OPRL1: variants seen among roughly 807,000 people sequenced by gnomAD.
The protein encoded by OPRL1 is nociceptin receptor.
In OPRL1, 5 loss-of-function variants were observed where a neutral mutation model predicts 15.5. The ratio of observed to expected loss-of-function variants is 0.32; its 90% CI spans 0.17 to 0.68. The LOEUF (loss-of-function observed/expected upper bound fraction) is 0.68. Ranked by LOEUF, OPRL1 falls within the 30% of genes least tolerant of loss-of-function variation. The pLI, the probability that OPRL1 is intolerant of heterozygous loss-of-function variation, is 0.72. For missense variants in OPRL1, 406 were observed against 515.3 expected (o/e 0.79, Z 2.05); for synonymous variants, 223 against 230.2 (o/e 0.97, Z 0.28).
At chr20:64,081,432 A>G (rs976305411) in intron 1 of OPRL1, among the ~76,000 whole-genome samples, 12 of 152,162 alleles carry the variant, frequency 7.9e-5, no homozygotes, top group African/African-American at 2.7e-4. Flanking sequence ...GCTGTGGGAA[A>G]ATGCAGCTGT....
rs1979628369 is a variant in OPRL1 at position 64,099,864 on chromosome 20, G to T, written c.*1065G>T. 1 of 152,322 alleles carries T rather than the reference G, an allele frequency of 6.6e-6. No individual in the cohort carries two copies. The highest frequency in any genetic ancestry group is 1.5e-5 in the Non-Finnish European group (1 of 68,126). 9.4% of individuals were successfully genotyped at this position (152,322 alleles called of 1,614,324 possible). On this transcript the variant is annotated 3_prime_UTR_variant, in exon 5 of 5. Coordinates refer to ENST00000336866, the MANE Select transcript of OPRL1 (RefSeq NM_182647.4). ...GCCTCTCCTTTGCTTGAAGCCAGAGGTCAGTGGCCGTGCTGTGTTGCGGGG... is the reference window on the plus strand; with the variant it reads ...GCCTCTCCTTTGCTTGAAGCCAGAGTTCAGTGGCCGTGCTGTGTTGCGGGG...
chr20:64,097,392 G>C lies in OPRL1; in HGVS notation c.234-410G>C, dbSNP rs1979305690. ...TCTGGCAACTGTAGGGTCAGCATTT[G>C]AGTCTGTGAGGGGTCATGGAGGGGA... On this transcript the variant is annotated intron_variant, in intron 3 of 4. Transcript: ENST00000336866. This position sits in a 1 kb window ranked among gnomAD's most constrained non-coding sequence, Gnocchi z 4.2. 6.6e-6 allele frequency among the ~76,000 whole-genome samples: 1 copy of C among 152,128 alleles called. No homozygotes were observed. The highest frequency in any genetic ancestry group is 2.4e-5 in the African/African-American group (1 of 41,422).
chr20:64,092,639 T>G (rs568172023), intron 2 of OPRL1, 49 bp from the exon 3 acceptor site: 1 of 1,455,512 alleles, frequency 6.9e-7, no homozygotes, highest in East Asian at 2.3e-5. Flanking sequence ...AGGCCTCCGC[T>G]GGGCGTGTGT....
intron 1 of OPRL1, among the ~76,000 whole-genome samples, chr20:64,088,654 G>A (rs371848385): frequency 2.7e-3 from 190 of 69,476 alleles, no homozygotes; most frequent in African/African-American, 5.7e-3. Context: ...ATCTGTGCAG[G>A]GAGGCCAGGA....
rs1400927715 is a variant in OPRL1 at position 64,089,886 on chromosome 20, C to G, written c.-184-2080C>G. ...GCTCGGGTAGGAGGGTCTAGGGTCT[C>G]CTGCTCAGACGTTGGTGAGCCCAGC... On this transcript the variant is annotated intron_variant, in intron 1 of 4. Transcript: ENST00000336866. The surrounding 1 kb of genome is among the most constrained non-coding windows in gnomAD (Gnocchi z 5.5). Among the ~76,000 whole-genome samples, 1 of 152,170 alleles carries G rather than the reference C, an allele frequency of 6.6e-6. No individual in the cohort carries two copies. Among genetic ancestry groups the G allele is most frequent in the East Asian group, 1.9e-4 (1 of 5,182 alleles).
rs539093355 is a variant in OPRL1 at position 64,090,082 on chromosome 20, C to T, written c.-184-1884C>T. Among the ~76,000 whole-genome samples the T allele has an allele frequency of 6.6e-6, 1 of 152,278 alleles. No homozygotes were observed. The highest frequency in any genetic ancestry group is 1.5e-5 in the Non-Finnish European group (1 of 68,030). ...GTGTCTGCCTGTTCCCAAAGGTGTCCATGCACACTCTAGGTCTACCCATGT... is the reference window on the plus strand; with the variant it reads ...GTGTCTGCCTGTTCCCAAAGGTGTCTATGCACACTCTAGGTCTACCCATGT... On this transcript the variant is annotated intron_variant, in intron 1 of 4. Coordinates refer to ENST00000336866, the MANE Select transcript of OPRL1 (RefSeq NM_182647.4). The surrounding 1 kb of genome is among the most constrained non-coding windows in gnomAD (Gnocchi z 4.9).
chr20:64,095,933 T>C (rs112825684), intron 3 of OPRL1, among the ~76,000 whole-genome samples: 4,875 of 152,102 alleles, frequency 0.032, 217 homozygotes, highest in African/African-American at 0.1. Flanking sequence ...CACGTGTATA[T>C]GTATGTGTGT....
At chr20:64,087,771 T>A (rs1271999475) in intron 1 of OPRL1, among the ~76,000 whole-genome samples, 1 of 152,260 alleles carries the variant, frequency 6.6e-6, no homozygotes, top group Admixed American at 6.5e-5. Context: ...TGCTATCTCT[T>A]GTGTAACATA....
chr20:64,096,329 TG>T (rs932053904), intron 3 of OPRL1, among the ~76,000 whole-genome samples: 8 of 152,140 alleles, frequency 5.3e-5, no homozygotes, highest in African/African-American at 1.9e-4. Flanking sequence ...GCCAGTGGGC[TG>T]GGGTGACCAT....
chr20:64,098,937 C>T lies in OPRL1; in HGVS notation c.*138C>T, dbSNP rs1979534443. On this transcript the variant is annotated 3_prime_UTR_variant, in exon 5 of 5. Coordinates refer to ENST00000336866, the MANE Select transcript of OPRL1 (RefSeq NM_182647.4). ...TCCAGAGCCTGGGATGGGCTTTTCC[C>T]TGTGGGCCAGGGATGCTCGGTCCCA... 8.0e-7 allele frequency: 1 copy of T among 1,244,232 alleles called. No homozygotes were observed. Among genetic ancestry groups the T allele is most frequent in the South Asian group, 1.6e-5 (1 of 64,168 alleles). The allele number at this position is 1,244,232 out of a possible 1,614,324, so 77.1% of individuals were successfully genotyped here. A position where few individuals can be genotyped will look rare whatever the true frequency, so the allele number is the denominator to read the frequency against.
At chr20:64,082,990 T>G (rs933321067) in intron 1 of OPRL1, among the ~76,000 whole-genome samples, 1 of 152,118 alleles carries the variant, frequency 6.6e-6, no homozygotes, top group Non-Finnish European at 1.5e-5. Flanking sequence ...AAGGCCAGCT[T>G]AGGTCACTTC....
Position 64,092,843 on chromosome 20 carries a change from C to T in OPRL1, c.123C>T (p.Ser41=). 3 of 1,612,786 alleles carry T rather than the reference C, an allele frequency of 1.9e-6. No homozygotes were observed. Among genetic ancestry groups the T allele is most frequent in the Non-Finnish European group, 2.5e-6 (3 of 1,179,948 alleles). ...CCCCGCATCTGCTGCTCAATGCCAG[C>T]CACGGCGCCTTCCTGCCCCTCGGGC... The part of the protein sequence containing the change: ...LLPPHLLLNA[S]HGAFLPLGLK... The change falls in exon 3 of 5, where the codon AGC becomes AGT. Residue 41 remains serine, a synonymous_variant. Transcript: ENST00000336866.
In OPRL1 at chr20:64,098,567, G is replaced by C; in HGVS notation, c.881G>C (p.Ser294Thr). Reference protein sequence around the residue: ...LAQGLGVQPSSETAVAILRFC... With the variant: ...LAQGLGVQPSTETAVAILRFC... Reference sequence around the variant, plus strand: ...CAAGGGCTGGGGGTTCAGCCGAGCAGCGAGACTGCCGTGGCCATTCTGCGC... The same window carrying C: ...CAAGGGCTGGGGGTTCAGCCGAGCACCGAGACTGCCGTGGCCATTCTGCGC... Residue 294 changes from serine (S) to threonine (T), a missense_variant, in exon 5 of 5, where the codon AGC becomes ACC. Transcript: ENST00000336866. 1 of 1,612,812 alleles carries C rather than the reference G, an allele frequency of 6.2e-7. No individual in the cohort carries two copies. Among genetic ancestry groups the C allele is most frequent in the Non-Finnish European group, 8.5e-7 (1 of 1,179,990 alleles).
rs779484978 is a variant in OPRL1 at position 64,097,976 on chromosome 20, C to T, written c.408C>T (p.Thr136=). 3.1e-6 allele frequency: 5 copies of T among 1,613,750 alleles called. No individual in the cohort carries two copies. Among genetic ancestry groups the T allele is most frequent in the Non-Finnish European group, 3.4e-6 (4 of 1,180,026 alleles). ...VIAIDYYNMF[T]STFTLTAMSV... The stretch of plus-strand genomic sequence containing the variant: ...CCATTGACTACTACAACATGTTCAC[C>T]AGCACCTTCACCCTAACTGCCATGA... The change falls in exon 4 of 5, where the codon ACC becomes ACT. Residue 136 remains threonine, a synonymous_variant. Transcript: ENST00000336866. This position sits in a 1 kb window ranked among gnomAD's most constrained non-coding sequence, Gnocchi z 4.2.
At chr20:64,091,384 C>T (rs921045719) in intron 1 of OPRL1, among the ~76,000 whole-genome samples, 3 of 152,214 alleles carry the variant, frequency 2.0e-5, no homozygotes, top group Non-Finnish European at 2.9e-5. Context: ...CGAACAGACC[C>T]GGGTTTCACC....
Position 64,097,199 on chromosome 20 carries a change from G to A in OPRL1, c.234-603G>A, listed in dbSNP as rs554164524. On this transcript the variant is annotated intron_variant, in intron 3 of 4. Transcript: ENST00000336866. The surrounding 1 kb of genome is among the most constrained non-coding windows in gnomAD (Gnocchi z 4.2). ...TAACAAAAATTTATTAATCACCAAC[G>A]ATTTTCCCAGCCCTTTCCAGCACCA... 3.9e-5 allele frequency among the ~76,000 whole-genome samples: 6 copies of A among 152,068 alleles called. No individual in the cohort carries two copies. In the East Asian group the frequency reaches 5.8e-4, roughly 15 times the overall value.
intron 1 of OPRL1, among the ~76,000 whole-genome samples, chr20:64,081,891 T>C (rs1413447986): frequency 6.6e-6 from 1 of 152,180 alleles, no homozygotes; most frequent in Non-Finnish European, 1.5e-5. Flanking sequence ...GCTGTGCCTG[T>C]CTCTGCCCCT....
intron 2 of OPRL1, among the ~76,000 whole-genome samples, chr20:64,092,414 T>G (rs752429734): frequency 1.3e-5 from 2 of 151,936 alleles, no homozygotes; most frequent in African/African-American, 2.4e-5. Flanking sequence ...TGTGTGTGAG[T>G]CTCTAAACCA....
Position 64,098,994 on chromosome 20 carries a change from C to T in OPRL1, c.*195C>T. On this transcript the variant is annotated 3_prime_UTR_variant, in exon 5 of 5. Transcript: ENST00000336866. ...GACCTAGTGACATCATGGGACAGGT[C>T]AAAGCATTAGGGCCACCTCCATGGC... 1 of 763,126 alleles carries T rather than the reference C, an allele frequency of 1.3e-6. No individual in the cohort carries two copies. Among genetic ancestry groups the T allele is most frequent in the Non-Finnish European group, 2.0e-6 (1 of 488,650 alleles). The allele number at this position is 763,126 out of a possible 1,614,324, so 47.3% of individuals were successfully genotyped here. A position where few individuals can be genotyped will look rare whatever the true frequency, so the allele number is the denominator to read the frequency against.
Sources: allele counts gnomAD v4.1 joint callset (sites outside exome capture counted in the v4.1 genomes callset), GRCh38; gene constraint gnomAD v4.1.1; non-coding constraint Gnocchi (gnomAD v3.1); transcripts MANE v1.5; gene names NCBI Gene and HGNC (gene_info 2026-07-23, HGNC 2026-07-21).